Variants in GRIK4 observed in about 807,000 individuals in gnomAD.
GRIK4 encodes glutamate receptor ionotropic, kainate 4.
In GRIK4, 40 loss-of-function variants were observed where a neutral mutation model predicts 104.9. The observed-to-expected ratio is 0.38, with a 90% CI of 0.30 to 0.50. The LOEUF (loss-of-function observed/expected upper bound fraction) is 0.50. GRIK4 is among the 20% of genes least tolerant of loss of function. The pLI, the probability that GRIK4 is intolerant of heterozygous loss-of-function variation, is 0.93. For missense variants in GRIK4, 1,047 were observed against 1,308.1 expected (o/e 0.80, Z 3.08); for synonymous variants, 485 against 524.9 (o/e 0.92, Z 1.04).
intron 13 of GRIK4, among the ~76,000 whole-genome samples, chr11:120,928,463 G>A (rs1943402661): frequency 6.6e-6 from 1 of 152,106 alleles, no homozygotes; most frequent in African/African-American, 2.4e-5. Flanking sequence ...GCTGGTGAAT[G>A]GCAGAGTCGG....
intron 3 of GRIK4, among the ~76,000 whole-genome samples, chr11:120,756,354 C>A (rs1294584848): frequency 6.6e-6 from 1 of 152,178 alleles, no homozygotes; most frequent in African/African-American, 2.4e-5. Context: ...ATCTCTAACT[C>A]TTGACCCTTA....
chr11:120,547,217 C>T (rs1948093158), intron 1 of GRIK4, among the ~76,000 whole-genome samples: 1 of 152,234 alleles, frequency 6.6e-6, no homozygotes, highest in South Asian at 2.1e-4. Context: ...GTCCTGGACA[C>T]ACTCACCCTT....
At chr11:120,770,790 G>A (rs943146303) in intron 3 of GRIK4, among the ~76,000 whole-genome samples, 16 of 152,100 alleles carry the variant, frequency 1.1e-4, no homozygotes, top group Admixed American at 9.8e-4. Context: ...GGTGGGATTC[G>A]TATCCTATAA....
intron 3 of GRIK4, among the ~76,000 whole-genome samples, chr11:120,689,816 C>T (rs1950329410): frequency 6.6e-6 from 1 of 152,194 alleles, no homozygotes. Flanking sequence ...CTGTTGGTTA[C>T]TCCCACACCC....
chr11:120,907,136 A>G (rs922956904), intron 13 of GRIK4, among the ~76,000 whole-genome samples: 7 of 152,212 alleles, frequency 4.6e-5, no homozygotes, highest in Non-Finnish European at 5.9e-5. Flanking sequence ...CTCCTGAAAC[A>G]TTCTTCTTAT....
intron 1 of GRIK4, among the ~76,000 whole-genome samples, chr11:120,558,585 C>T (rs1241705042): frequency 6.6e-6 from 1 of 152,222 alleles, no homozygotes; most frequent in Non-Finnish European, 1.5e-5. Flanking sequence ...GAGACTCCGT[C>T]TCAAAAACCA....
chr11:120,597,446 A>G (rs1047887197), intron 1 of GRIK4, among the ~76,000 whole-genome samples: 5 of 152,176 alleles, frequency 3.3e-5, no homozygotes, highest in African/African-American at 1.2e-4. Flanking sequence ...TGACTACCCA[A>G]CAGGTGAAGA....
intron 1 of GRIK4, among the ~76,000 whole-genome samples, chr11:120,615,544 G>A (rs911269739): frequency 5.9e-5 from 9 of 152,138 alleles, no homozygotes; most frequent in Non-Finnish European, 1.2e-4. Context: ...GCAGCTGCCC[G>A]GGCTCTGGCT....
At chr11:120,699,539 A>ATGTGTG (rs57345739) in intron 3 of GRIK4, among the ~76,000 whole-genome samples, 14 of 145,202 alleles carry the variant, frequency 9.6e-5, no homozygotes, top group Middle Eastern at 3.4e-3. Context: ...AGGTGTGTGT[A>ATGTGTG]TGTGTGTGTG....
chr11:120,606,771 GA>G (rs149257801), intron 1 of GRIK4, among the ~76,000 whole-genome samples: 2,318 of 152,292 alleles, frequency 0.015, 62 homozygotes, highest in African/African-American at 0.051. Context: ...AGACTTTAGA[GA>G]AGGAACAGCC....
At chr11:120,529,278 T>C (rs543386825) in intron 1 of GRIK4, among the ~76,000 whole-genome samples, 1 of 152,228 alleles carries the variant, frequency 6.6e-6, no homozygotes, top group Non-Finnish European at 1.5e-5. Flanking sequence ...TGCCACACTT[T>C]AACACAGTGT....
At chr11:120,694,648 A>G (rs1950413346) in intron 3 of GRIK4, among the ~76,000 whole-genome samples, 2 of 152,060 alleles carry the variant, frequency 1.3e-5, no homozygotes, top group Admixed American at 6.5e-5. Context: ...TACTTCTAGG[A>G]GCCTGGTTAA....
At chr11:120,665,591 C>G (rs1182056107) in intron 3 of GRIK4, among the ~76,000 whole-genome samples, 3 of 152,172 alleles carry the variant, frequency 2.0e-5, no homozygotes, top group Non-Finnish European at 4.4e-5. Flanking sequence ...TTCACTGTGG[C>G]AAGATCTGAA....
chr11:120,908,458 C>A (rs76920792), intron 13 of GRIK4, among the ~76,000 whole-genome samples: 1,876 of 139,322 alleles, frequency 0.013, 22 homozygotes, highest in Non-Finnish European at 0.021. Context: ...CACACACACA[C>A]ACAGAGAGAT....
chr11:120,823,182 C>T (rs932964480), intron 6 of GRIK4, among the ~76,000 whole-genome samples: 4 of 152,236 alleles, frequency 2.6e-5, no homozygotes, highest in Non-Finnish European at 5.9e-5. Flanking sequence ...TACAATATCT[C>T]ACCAACCTGA....
intron 8 of GRIK4, among the ~76,000 whole-genome samples, chr11:120,852,238 TGAG>T (rs1953990819): frequency 6.6e-6 from 1 of 152,244 alleles, no homozygotes; most frequent in Admixed American, 6.5e-5. Context: ...CAGCTGCTGC[TGAG>T]GAGGTAAGAG....
chr11:120,519,889 T>TTTTTTTTTG (rs1555132646), intron 1 of GRIK4, among the ~76,000 whole-genome samples: 4 of 146,586 alleles, frequency 2.7e-5, no homozygotes, highest in African/African-American at 7.7e-5. Context: ...TGTTTTTTTT[T>TTTTTTTTTG]TTGTTGTTGT....
intron 3 of GRIK4, among the ~76,000 whole-genome samples, chr11:120,726,239 G>T (rs1951025586): frequency 6.6e-6 from 1 of 152,194 alleles, no homozygotes; most frequent in South Asian, 2.1e-4. Context: ...GTAGGGTCTT[G>T]TAAGCCATAG....
chr11:120,899,691 T>C (rs2134485182), intron 12 of GRIK4, among the ~76,000 whole-genome samples: 1 of 152,248 alleles, frequency 6.6e-6, no homozygotes, highest in South Asian at 2.1e-4. Context: ...GTTTAAAAGA[T>C]TTGTCAATTA....
Sources: gnomAD v4.1 joint callset for allele counts (sites outside exome capture counted in the v4.1 genomes callset) on GRCh38, gnomAD v4.1.1 for gene constraint, MANE v1.5 for transcripts, NCBI Gene and HGNC (gene_info 2026-07-23, HGNC 2026-07-21) for gene names.